Variants in ZC3H14 observed in about 807,000 individuals in gnomAD.
ZC3H14 encodes the protein zinc finger CCCH-type containing 14, also known as zinc finger CCCH domain-containing protein 14.
In ZC3H14, 31 loss-of-function variants were observed where a neutral mutation model predicts 92.4. The ratio of observed to expected loss-of-function variants is 0.34; its 90% CI spans 0.25 to 0.45. The LOEUF (loss-of-function observed/expected upper bound fraction) is 0.45, where lower values mean the gene tolerates loss of function less well. ZC3H14 is among the 20% of genes least tolerant of loss of function. ZC3H14 has a pLI of 1.00. For missense variants in ZC3H14, 781 were observed against 897.3 expected (o/e 0.87, Z 1.66); for synonymous variants, 321 against 300.9 (o/e 1.07, Z -0.69).
chr14:88,608,254 T>C (rs1032550993), intron 13 of ZC3H14: 3 of 445,982 alleles, frequency 6.7e-6, no homozygotes, highest in Middle Eastern at 8.1e-4. Context: ...TGCAAGTGAA[T>C]ACCATCCCCA....
chr14:88,605,847 T>C (rs1315783973), intron 12 of ZC3H14, among the ~76,000 whole-genome samples: 2 of 152,140 alleles, frequency 1.3e-5, no homozygotes, highest in African/African-American at 2.4e-5. Context: ...TGGTTGCCTG[T>C]TTTGCATTTT....
At chr14:88,577,863 C>G (rs1595577374) in intron 8 of ZC3H14, 122 bp from the exon 9 acceptor site, 2 of 1,325,828 alleles carry the variant, frequency 1.5e-6, no homozygotes, top group Non-Finnish European at 2.1e-6. Flanking sequence ...GCCACTGCGC[C>G]CAGCCTGAAC....
At chr14:88,596,049 C>G (rs1368560337) in intron 9 of ZC3H14, among the ~76,000 whole-genome samples, 3 of 152,178 alleles carry the variant, frequency 2.0e-5, no homozygotes, top group South Asian at 2.1e-4. Flanking sequence ...TTTGTGCAGT[C>G]AGACTGCTGG....
At position 88,620,994 on chromosome 14, in the gene ZC3H14, A is replaced by C; in HGVS notation, c.*9243A>C. 1 of 1,470,980 alleles carries C rather than the reference A, an allele frequency of 6.8e-7. No homozygotes were observed. The highest frequency in any genetic ancestry group is 9.0e-7 in the Non-Finnish European group (1 of 1,112,824). The allele number at this position is 1,470,980 out of a possible 1,614,324, so 91.1% of individuals were successfully genotyped here. A position where few individuals can be genotyped will look rare whatever the true frequency, so the allele number is the denominator to read the frequency against. Reference sequence around the variant, plus strand: ...AAGTGAAGTACTTCTAAATTATACCAGTTTCCCCTCAAAATGCTCAACAGA... The same window carrying C: ...AAGTGAAGTACTTCTAAATTATACCCGTTTCCCCTCAAAATGCTCAACAGA... On this transcript the variant is annotated 3_prime_UTR_variant, in exon 17 of 17. Transcript: ENST00000251038. This position sits in a 1 kb window ranked among gnomAD's most constrained non-coding sequence, Gnocchi z 4.3.
At position 88,609,684 on chromosome 14, in the gene ZC3H14, A is replaced by C. The variant is rs146009810; in HGVS notation, c.2006-28A>C. On this transcript the variant is annotated intron_variant, in intron 14 of 16. Transcript: ENST00000251038. Reference sequence around the variant, plus strand: ...AAAATGGGTTTTCCAAACAGATTGGAGATCAGTCCTGGTTTTTATTTTGTT... The same window carrying C: ...AAAATGGGTTTTCCAAACAGATTGGCGATCAGTCCTGGTTTTTATTTTGTT... The C allele has an allele frequency of 1.9e-4, 299 of 1,612,612 alleles. 5 individuals are homozygous for C. In the Admixed American group the frequency reaches 4.8e-3, roughly 26 times the overall value.
At chr14:88,610,203 T>C (rs562133075) in intron 15 of ZC3H14, among the ~76,000 whole-genome samples, 1 of 152,292 alleles carries the variant, frequency 6.6e-6, no homozygotes, top group Admixed American at 6.5e-5. Context: ...TCCAGATGTT[T>C]AGTTGGTCAA....
intron 9 of ZC3H14, chr14:88,589,224 T>A (rs1214195784): frequency 6.6e-6 from 1 of 152,216 alleles, no homozygotes; most frequent in Non-Finnish European, 1.5e-5. Context: ...GACAAGGAGC[T>A]GCAATTGGCC....
At position 88,596,785 on chromosome 14, in the gene ZC3H14, C is replaced by T. The variant is rs1595733531; in HGVS notation, c.1331C>T (p.Ala444Val). 6.2e-7 allele frequency: 1 copy of T among 1,613,998 alleles called. No individual in the cohort carries two copies. The highest frequency in any genetic ancestry group is 2.2e-5 in the East Asian group (1 of 44,864). ...CGACTGCAAATCGACCCAGTAATGG[C>T]AGAAACTCTGCAGATGAGTCAAGGT... ...LSRLQIDPVM[A>V]ETLQMSQDYY... The change falls in exon 10 of 17, where the codon GCA becomes GTA. Residue 444 changes from alanine (A) to valine (V), a missense_variant. Coordinates refer to ENST00000251038, the MANE Select transcript of ZC3H14 (RefSeq NM_024824.5).
chr14:88,616,816 A>G lies in ZC3H14; in HGVS notation c.*5065A>G. ...TGATTCCTGAATGAGATACACAGGC[A>G]CAGTTGACATCAGCTTTCTCAGCAT... On this transcript the variant is annotated 3_prime_UTR_variant, in exon 17 of 17. Coordinates refer to ENST00000251038, the MANE Select transcript of ZC3H14 (RefSeq NM_024824.5). 2 of 1,613,964 alleles carry G rather than the reference A, an allele frequency of 1.2e-6. No homozygotes were observed. The highest frequency in any genetic ancestry group is 8.5e-7 in the Non-Finnish European group (1 of 1,179,856).
rs2080636641 is a variant in ZC3H14 at position 88,572,997 on chromosome 14, T to G, written c.851T>G (p.Met284Arg). 1 of 1,613,630 alleles carries G rather than the reference T, an allele frequency of 6.2e-7. No homozygotes were observed. The highest frequency in any genetic ancestry group is 8.5e-7 in the Non-Finnish European group (1 of 1,179,984). The change falls in exon 6 of 17, where the codon ATG (methionine) becomes AGG (arginine). Residue 284 changes from methionine (M) to arginine (R), a missense_variant. By Grantham distance (91) the Met-to-Arg change is moderately conservative. Around this residue, in one of 3 missense-constraint regions of ZC3H14, gnomAD observed 454 missense variants for 438.5 expected, o/e 1.04. Transcript: ENST00000251038. The part of the protein sequence containing the change: ...SPFFRNNSEK[M>R]SMEDENFRKR... ...TTCTTTAGAAACAACTCGGAGAAAATGAGTATGGAGGTTTGTATGTACTTT... is the reference window on the plus strand; with the variant it reads ...TTCTTTAGAAACAACTCGGAGAAAAGGAGTATGGAGGTTTGTATGTACTTT...
intron 8 of ZC3H14, among the ~76,000 whole-genome samples, chr14:88,577,197 G>T (rs1011693014): frequency 6.6e-6 from 1 of 152,152 alleles, no homozygotes; most frequent in African/African-American, 2.4e-5. Flanking sequence ...ATAGAATAAA[G>T]ATTATCAGGC....
At position 88,618,019 on chromosome 14, in the gene ZC3H14, A is replaced by AC. The variant is rs2088016691; in HGVS notation, c.*6268_*6269insC. On this transcript the variant is annotated 3_prime_UTR_variant, in exon 17 of 17. Transcript: ENST00000251038. ...TAAAACTTTGATTTCCTTAAAAAAA[A>AC]AACTTGATAAATCATGGAAACTGAT... 1 of 384,552 alleles carries AC rather than the reference A, an allele frequency of 2.6e-6. No individual in the cohort carries two copies. The highest frequency in any genetic ancestry group is 4.6e-6 in the Non-Finnish European group (1 of 217,138). The allele number at this position is 384,552 out of a possible 1,614,324, so 23.8% of individuals were successfully genotyped here.
intron 5 of ZC3H14, 104 bp from the exon 6 acceptor site, chr14:88,572,474 A>G: frequency 2.9e-6 from 4 of 1,396,476 alleles, no homozygotes; most frequent in Non-Finnish European, 4.0e-6. Context: ...TAAAGGGAGT[A>G]TCCTCAGTTT....
chr14:88,592,393 A>G (rs1298199628), intron 9 of ZC3H14: 1 of 151,096 alleles, frequency 6.6e-6, no homozygotes, highest in Admixed American at 6.6e-5. Flanking sequence ...ATGAATAAAG[A>G]TTTTTATTTT....
In ZC3H14 at chr14:88,615,937, C is replaced by T. The variant is rs765194201; in HGVS notation, c.*4186C>T. The T allele has an allele frequency of 5.4e-6, 8 of 1,478,488 alleles. No individual in the cohort carries two copies. The highest frequency in any genetic ancestry group is 7.4e-6 in the Non-Finnish European group (8 of 1,083,430). 91.6% of individuals were successfully genotyped at this position (1,478,488 alleles called of 1,614,324 possible). On this transcript the variant is annotated 3_prime_UTR_variant, in exon 17 of 17. Transcript: ENST00000251038. ...GTTTAATATTTTTCAGTTGTGCTTT[C>T]AGGTTACATGTGTAATATTTTTCCT...
chr14:88,608,476 A>G (rs2085982772), intron 13 of ZC3H14: 1 of 306,272 alleles, frequency 3.3e-6, no homozygotes, highest in Non-Finnish European at 6.5e-6. Context: ...TGGAGTGACA[A>G]TTACCATGGC....
chr14:88,586,742 C>T (rs1427457668), intron 9 of ZC3H14: 2 of 152,006 alleles, frequency 1.3e-5, no homozygotes, highest in African/African-American at 2.4e-5. Flanking sequence ...AATACATGCT[C>T]ACCATAGAAA....
At position 88,577,662 on chromosome 14, in the gene ZC3H14, C is replaced by T. The variant is rs919490754; in HGVS notation, c.1124-323C>T. 8.6e-5 allele frequency among the ~76,000 whole-genome samples: 13 copies of T among 151,984 alleles called. No individual in the cohort carries two copies. The East Asian group carries it at 1.4e-3, about 16-fold the overall frequency. ...TCGGCTCACTGCAACCTCCGCCTTC[C>T]GGGTTTAAGCAATTCTCCTGCCTCA... is the stretch of plus-strand genomic sequence containing the variant. On this transcript the variant is annotated intron_variant, in intron 8 of 16. Transcript: ENST00000251038.
rs1008498788 is a variant in ZC3H14 at position 88,618,492 on chromosome 14, A to G, written c.*6741A>G. On this transcript the variant is annotated 3_prime_UTR_variant, in exon 17 of 17. Coordinates refer to ENST00000251038, the MANE Select transcript of ZC3H14 (RefSeq NM_024824.5). ...AAAACTTAATAGGAGAAAAGCTCTGATAAGTGGGGGAGGAAAGGGGAGCTG... is the reference window on the plus strand; with the variant it reads ...AAAACTTAATAGGAGAAAAGCTCTGGTAAGTGGGGGAGGAAAGGGGAGCTG... The G allele has an allele frequency of 8.2e-6, 9 of 1,091,648 alleles. No homozygotes were observed. The highest frequency in any genetic ancestry group is 1.0e-5 in the Non-Finnish European group (8 of 764,834). 67.6% of individuals were successfully genotyped at this position (1,091,648 alleles called of 1,614,324 possible). A position where few individuals can be genotyped will look rare whatever the true frequency, so the allele number is the denominator to read the frequency against.
Sources: gnomAD v4.1 joint callset for allele counts (sites outside exome capture counted in the v4.1 genomes callset) on GRCh38, gnomAD v4.1.1 for gene constraint, gnomAD v4.1.1 regional missense constraint, Gnocchi (gnomAD v3.1) non-coding constraint, MANE v1.5 for transcripts, NCBI Gene and HGNC (gene_info 2026-07-23, HGNC 2026-07-21) for gene names.